The following TAGAP variants were observed in gnomAD, a reference collection of about 807,000 sequenced individuals.
The protein encoded by TAGAP is T cell activation RhoGTPase activating protein.
A neutral mutation model predicts 36.0 loss-of-function variants in TAGAP; 16 were observed. That is an observed-to-expected ratio of 0.44 (90% CI 0.30 to 0.68). The LOEUF (loss-of-function observed/expected upper bound fraction) is 0.68, where lower values mean the gene tolerates loss of function less well. TAGAP is among the 30% of genes least tolerant of loss of function. TAGAP has a pLI of 0.09. For synonymous variants in TAGAP, 372 were observed against 377.4 expected, an observed-to-expected ratio of 0.99 and a Z score of 0.17; for missense variants, 794 against 921.5, an observed-to-expected ratio of 0.86 and a Z score of 1.79.
At position 159,039,250 on chromosome 6, in the gene TAGAP, A is replaced by C; in HGVS notation, c.647T>G (p.Leu216Arg). 1 of 1,614,138 alleles carries C rather than the reference A, an allele frequency of 6.2e-7. No homozygotes were observed. Among genetic ancestry groups the C allele is most frequent in the East Asian group, 2.2e-5 (1 of 44,894 alleles). The change falls in exon 8 of 10, where the codon CTG becomes CGG. Residue 216 changes from leucine (L) to arginine (R), a missense_variant. Coordinates refer to ENST00000367066, the MANE Select transcript of TAGAP (RefSeq NM_054114.5). ...LLLLKHLVYVLHLISKNSEVN... is the reference protein window; with the variant it reads ...LLLLKHLVYVRHLISKNSEVN... ...CTCAGAGTTCTTGCTGATGAGGTGC[A>C]GCACATAGACCAAGTGCTTGAGTAG...
At position 159,041,311 on chromosome 6, in the gene TAGAP, G is replaced by C. The variant is rs1227211568; in HGVS notation, c.477+43C>G. 2 of 1,603,748 alleles carry C rather than the reference G, an allele frequency of 1.2e-6. No homozygotes were observed. The highest frequency in any genetic ancestry group is 1.7e-6 in the Non-Finnish European group (2 of 1,174,800). On this transcript the variant is annotated intron_variant, in intron 6 of 9. Transcript: ENST00000367066. The surrounding 1 kb of genome is among the most constrained non-coding windows in gnomAD (Gnocchi z 4.1). ...TTGCATCCTGAGAATGAGTGTGTCA[G>C]GGCCCCTTGGCAGGTTATTTGGCGC...
chr6:159,040,899 C>T (rs2073138), intron 6 of TAGAP, 67 bp from the exon 7 acceptor site: 148,254 of 1,304,338 alleles, frequency 0.11, 14,871 homozygotes, highest in East Asian at 0.45. Flanking sequence ...TGTTTTCACC[C>T]GGTTTTCGTT....
intron 7 of TAGAP, 148 bp downstream of exon 7, chr6:159,040,575 C>T: frequency 1.7e-6 from 1 of 581,024 alleles, no homozygotes; most frequent in Non-Finnish European, 3.0e-6. Context: ...GGTTTTTGTT[C>T]TGGGAGTGGA....
At position 159,034,920 on chromosome 6, in the gene TAGAP, A is replaced by G. The variant is rs1480285502; in HGVS notation, c.*907T>C. 6.6e-6 allele frequency: 1 copy of G among 152,376 alleles called. No homozygotes were observed. The highest frequency in any genetic ancestry group is 1.5e-5 in the Non-Finnish European group (1 of 68,044). The allele number at this position is 152,376 out of a possible 1,614,324, so 9.4% of individuals were successfully genotyped here. A position where few individuals can be genotyped will look rare whatever the true frequency, so the allele number is the denominator to read the frequency against. ...ATAAATGCTTGTTGAGTGAACCAAT[A>G]TGTGAATGATTTTCTTAGTGGATTT... On this transcript the variant is annotated 3_prime_UTR_variant, in exon 10 of 10. Coordinates refer to ENST00000367066, the MANE Select transcript of TAGAP (RefSeq NM_054114.5).
intron 4 of TAGAP, 68 bp downstream of exon 4, chr6:159,043,521 G>T: frequency 6.8e-7 from 1 of 1,470,242 alleles, no homozygotes; most frequent in Non-Finnish European, 9.5e-7. Context: ...AAAGCGCTGT[G>T]GTTTTGCAAA....
In TAGAP at chr6:159,037,929, C is replaced by T. The variant is rs1052573882; in HGVS notation, c.898+185G>A. Among the ~76,000 whole-genome samples, 5 of 152,108 alleles carry T rather than the reference C, an allele frequency of 3.3e-5. No individual in the cohort carries two copies. The highest frequency in any genetic ancestry group is 1.9e-4 in the East Asian group (1 of 5,194). ...AAAGACTATCTGTGGTCTGAGGAGG[C>T]GCTGCAGGAAAAGCCCGGAGCAGGG... is the stretch of plus-strand genomic sequence containing the variant. On this transcript the variant is annotated intron_variant, in intron 9 of 9. Coordinates refer to ENST00000367066, the MANE Select transcript of TAGAP (RefSeq NM_054114.5). This position sits in a 1 kb window ranked among gnomAD's most constrained non-coding sequence, Gnocchi z 5.1.
chr6:159,040,788 G>C lies in TAGAP; in HGVS notation c.522C>G (p.Leu174=), dbSNP rs1408991833. 2 of 1,614,058 alleles carry C rather than the reference G, an allele frequency of 1.2e-6. No individual in the cohort carries two copies. Among genetic ancestry groups the C allele is most frequent in the Non-Finnish European group, 1.7e-6 (2 of 1,180,026 alleles). Residue 174 remains leucine, a synonymous_variant, in exon 7 of 10, where the codon CTC becomes CTG. Transcript: ENST00000367066. ...CCAGAGCACCCATCCACTCCTCAAAGAGGTCGCTTGAAAGTAGCTTCCGGG... is the reference window on the plus strand; with the variant it reads ...CCAGAGCACCCATCCACTCCTCAAACAGGTCGCTTGAAAGTAGCTTCCGGG... ...SIPRKLLSSD[L]FEEWMGALEM... is the part of the protein sequence containing the mutation.
rs6915175 is a variant in TAGAP, at chr6:159,040,912, A to C, written c.478-80T>G. 6,633 of 1,079,422 alleles carry C rather than the reference A, an allele frequency of 6.1e-3. 268 individuals are homozygous for C. In the African/African-American group the frequency reaches 0.091, roughly 15 times the overall value. 66.9% of individuals were successfully genotyped at this position (1,079,422 alleles called of 1,614,324 possible). A position where few individuals can be genotyped will look rare whatever the true frequency, so the allele number is the denominator to read the frequency against. ...CTTGTTTTCACCCGGTTTTCGTTCCATCGCAGGGTGCTCTATGCTTAGCCC... is the reference window on the plus strand; with the variant it reads ...CTTGTTTTCACCCGGTTTTCGTTCCCTCGCAGGGTGCTCTATGCTTAGCCC... On this transcript the variant is annotated intron_variant, in intron 6 of 9. Coordinates refer to ENST00000367066, the MANE Select transcript of TAGAP (RefSeq NM_054114.5).
intron 4 of TAGAP, among the ~76,000 whole-genome samples, chr6:159,043,240 C>T (rs1381061516): frequency 1.3e-5 from 2 of 152,154 alleles, no homozygotes; most frequent in Non-Finnish European, 2.9e-5. Flanking sequence ...GCTTCATAGG[C>T]TCTTGGATGC....
In TAGAP at chr6:159,041,524, A is replaced by T. The variant is rs777804576; in HGVS notation, c.316-9T>A. On this transcript the variant is annotated splice_polypyrimidine_tract_variant and intron_variant, in intron 5 of 9. Coordinates refer to ENST00000367066, the MANE Select transcript of TAGAP (RefSeq NM_054114.5). The surrounding 1 kb of genome is among the most constrained non-coding windows in gnomAD (Gnocchi z 4.1). ...AGAATAGTGAGAATGTCCTAAAGGAAACAGCAATAGGAACAGGAAAGGGTT... is the reference window on the plus strand; with the variant it reads ...AGAATAGTGAGAATGTCCTAAAGGATACAGCAATAGGAACAGGAAAGGGTT... The T allele has an allele frequency of 6.2e-7, 1 of 1,612,756 alleles. No homozygotes were observed. The highest frequency in any genetic ancestry group is 1.1e-5 in the South Asian group (1 of 90,924).
At chr6:159,044,240 C>T in intron 1 of TAGAP, 36 bp from the exon 2 acceptor site, 2 of 1,398,920 alleles carry the variant, frequency 1.4e-6, no homozygotes, top group Non-Finnish European at 1.9e-6. Flanking sequence ...TTAGGAGGGA[C>T]TCACACAGTA....
At position 159,036,370 on chromosome 6, in the gene TAGAP, G is replaced by A. The variant is rs1291718990; in HGVS notation, c.1653C>T (p.Gly551=). 2.5e-6 allele frequency: 4 copies of A among 1,613,942 alleles called. No homozygotes were observed. The highest frequency in any genetic ancestry group is 3.4e-6 in the Non-Finnish European group (4 of 1,180,040). Residue 551 remains glycine, a synonymous_variant, in exon 10 of 10, where the codon GGC becomes GGT. Coordinates refer to ENST00000367066, the MANE Select transcript of TAGAP (RefSeq NM_054114.5). This position sits in a 1 kb window ranked among gnomAD's most constrained non-coding sequence, Gnocchi z 4.9. ...RGVRKESQLA[G]RIVQENGCET... ...CACACCCATTTTCCTGCACGATTCG[G>A]CCGGCAAGCTGGCTTTCCTTTCTGA...
Position 159,034,604 on chromosome 6 carries a change from A to G in TAGAP, c.*1223T>C, listed in dbSNP as rs1420608352. On this transcript the variant is annotated 3_prime_UTR_variant, in exon 10 of 10. Coordinates refer to ENST00000367066, the MANE Select transcript of TAGAP (RefSeq NM_054114.5). ...AGTAAAGCTCTAATACAGTACAAAC[A>G]TTTTACCATTATGTTTGCCAATAAT... is the stretch of plus-strand genomic sequence containing the variant. 3 of 152,196 alleles carry G rather than the reference A, an allele frequency of 2.0e-5. No homozygotes were observed. The highest frequency in any genetic ancestry group is 2.1e-4 in the South Asian group (1 of 4,836). 9.4% of individuals were successfully genotyped at this position (152,196 alleles called of 1,614,324 possible). A position where few individuals can be genotyped will look rare whatever the true frequency, so the allele number is the denominator to read the frequency against.
rs1173766790 is a variant in TAGAP at position 159,036,185 on chromosome 6, T to C, written c.1838A>G (p.Gln613Arg). ...CCCCACCGTCATGCTCCCCACGGTC[T>C]GGCTCTCGGAGGCCACTAGTCTGGC... ...PAARLVASESQTVGSMTVGSM... is the reference protein window; with the variant it reads ...PAARLVASESRTVGSMTVGSM... Residue 613 changes from glutamine to arginine, a missense_variant, in exon 10 of 10, where the codon CAG (glutamine) becomes CGG (arginine). Transcript: ENST00000367066. The surrounding 1 kb of genome is among the most constrained non-coding windows in gnomAD (Gnocchi z 4.9). 3 of 1,611,478 alleles carry C rather than the reference T, an allele frequency of 1.9e-6. No homozygotes were observed. The highest frequency in any genetic ancestry group is 2.5e-6 in the Non-Finnish European group (3 of 1,178,878).
Position 159,039,150 on chromosome 6 carries a change from G to C in TAGAP, c.747C>G (p.Ser249Arg). Residue 249 changes from serine (S) to arginine (R), a missense_variant, in exon 8 of 10, where the codon AGC becomes AGG. Ser to Arg is a moderately radical substitution (Grantham distance 110). Transcript: ENST00000367066. Reference protein sequence around the residue: ...PNMLTLENDQSLSFEAQKDLN... With the variant: ...PNMLTLENDQRLSFEAQKDLN... ...GGTCCTTCTGGGCTTCAAATGACAGGCTCTGGTCATTCTCCAGGGTGAGCA... is the reference window on the plus strand; with the variant it reads ...GGTCCTTCTGGGCTTCAAATGACAGCCTCTGGTCATTCTCCAGGGTGAGCA... 1.9e-6 allele frequency: 3 copies of C among 1,614,148 alleles called. No homozygotes were observed. The highest frequency in any genetic ancestry group is 2.5e-6 in the Non-Finnish European group (3 of 1,180,022).
Position 159,041,194 on chromosome 6 carries a change from G to A in TAGAP, c.477+160C>T. On this transcript the variant is annotated intron_variant, in intron 6 of 9. Transcript: ENST00000367066. The surrounding 1 kb of genome is among the most constrained non-coding windows in gnomAD (Gnocchi z 4.1). ...GGAATCTGAGGTCACAGAAACAGAG[G>A]TGCTTACTAAATAAATAAATAAAGG... 2 of 876,368 alleles carry A rather than the reference G, an allele frequency of 2.3e-6. No individual in the cohort carries two copies. The highest frequency in any genetic ancestry group is 1.7e-6 in the Non-Finnish European group (1 of 581,876). 54.3% of individuals were successfully genotyped at this position (876,368 alleles called of 1,614,324 possible). A position where few individuals can be genotyped will look rare whatever the true frequency, so the allele number is the denominator to read the frequency against.
In TAGAP at chr6:159,038,982, C is replaced by A. The variant is rs1370884010; in HGVS notation, c.783+132G>T. ...TGAGAGAGTGGAACTATGACAAAAG[C>A]ATTTTGCATTTTATATTTTCACTGT... On this transcript the variant is annotated intron_variant, in intron 8 of 9. Transcript: ENST00000367066. 3 of 1,533,586 alleles carry A rather than the reference C, an allele frequency of 2.0e-6. No homozygotes were observed. The African/African-American group carries it at 4.1e-5, about 21-fold the overall frequency. 95.0% of individuals were successfully genotyped at this position (1,533,586 alleles called of 1,614,324 possible).
chr6:159,043,360 CGCTTG>C (rs981925659), intron 4 of TAGAP, among the ~76,000 whole-genome samples: 4 of 152,208 alleles, frequency 2.6e-5, no homozygotes, highest in African/African-American at 9.7e-5. Context: ...GCATTAAAAA[CGCTTG>C]GCAGAACTGG....
chr6:159,036,830 G>A lies in TAGAP; in HGVS notation c.1193C>T (p.Thr398Ile). Reference sequence around the variant, plus strand: ...CACGGGGAAGTCCCCTTCACTCTTTGTTAGTGTTTGGTTTGTCACCCGGCT... The same window carrying A: ...CACGGGGAAGTCCCCTTCACTCTTTATTAGTGTTTGGTTTGTCACCCGGCT... ...LESRVTNQTL[T>I]KSEGDFPVPR... is the part of the protein sequence containing the mutation. The change falls in exon 10 of 10, where the codon ACA becomes ATA. Residue 398 changes from threonine to isoleucine, a missense_variant. Coordinates refer to ENST00000367066, the MANE Select transcript of TAGAP (RefSeq NM_054114.5). This position sits in a 1 kb window ranked among gnomAD's most constrained non-coding sequence, Gnocchi z 4.9. 6.2e-7 allele frequency: 1 copy of A among 1,614,228 alleles called. No homozygotes were observed. Among genetic ancestry groups the A allele is most frequent in the Non-Finnish European group, 8.5e-7 (1 of 1,180,042 alleles).
Sources: allele counts gnomAD v4.1 joint callset (sites outside exome capture counted in the v4.1 genomes callset), GRCh38; gene constraint gnomAD v4.1.1; non-coding constraint Gnocchi (gnomAD v3.1); transcripts MANE v1.5; gene names NCBI Gene and HGNC (gene_info 2026-07-23, HGNC 2026-07-21).